P2RY12: variants seen among roughly 807,000 people sequenced by gnomAD.
P2RY12 encodes purinergic receptor P2Y12.
In P2RY12, 3 loss-of-function variants were observed where a neutral mutation model predicts 4.5. The observed-to-expected ratio is 0.67, with a 90% CI of 0.31 to 1.74. The LOEUF (loss-of-function observed/expected upper bound fraction) is 1.74. P2RY12 is among the 40% of genes most tolerant of loss of function. P2RY12 has a pLI of 0.09. For synonymous variants in P2RY12, 148 were observed against 154.1 expected (o/e 0.96, Z 0.29); for missense variants, 356 against 407.8 (o/e 0.87, Z 1.09).
chr3:151,375,172 C>T (rs1435577909), intron 1 of P2RY12, among the ~76,000 whole-genome samples: 1 of 152,130 alleles, frequency 6.6e-6, no homozygotes, highest in African/African-American at 2.4e-5. Flanking sequence ...ATTTGGGTGC[C>T]ACCACCTGAG....
At chr3:151,340,227 G>A (rs1751638024) in intron 2 of P2RY12, among the ~76,000 whole-genome samples, 1 of 152,036 alleles carries the variant, frequency 6.6e-6, no homozygotes, top group Admixed American at 6.6e-5. Context: ...TGACCGTTTT[G>A]GAAATTCGAC....
chr3:151,343,483 A>T (rs948683719), intron 1 of P2RY12, among the ~76,000 whole-genome samples: 1 of 152,190 alleles, frequency 6.6e-6, no homozygotes, highest in Admixed American at 6.5e-5. Flanking sequence ...TTTTCATTGG[A>T]GGAAGACTGC....
rs1336826072 is a variant in P2RY12, at chr3:151,338,185, C to T, written c.661G>A (p.Val221Ile). The T allele has an allele frequency of 6.8e-6, 11 of 1,613,910 alleles. No individual in the cohort carries two copies. Among genetic ancestry groups the T allele is most frequent in the African/African-American group, 1.3e-5 (1 of 74,894 alleles). ...ACTTTACCTACACCCCTCGTTCTTACGTATGACCGGTACAGTTCTTTTGTA... is the reference window on the plus strand; with the variant it reads ...ACTTTACCTACACCCCTCGTTCTTATGTATGACCGGTACAGTTCTTTTGTA... ...LITKELYRSY[V>I]RTRGVGKVPR... Residue 221 changes from valine (V) to isoleucine (I), a missense_variant, in exon 3 of 3, where the codon GTA (valine) becomes ATA (isoleucine). By Grantham distance (29) the Val-to-Ile change is conservative. Transcript: ENST00000302632.
intron 1 of P2RY12, chr3:151,384,244 T>C: frequency 7.0e-6 from 11 of 1,577,746 alleles, no homozygotes; most frequent in Non-Finnish European, 7.7e-6. Flanking sequence ...GCCTGTATTA[T>C]GAGCTCAAGT....
At chr3:151,367,132 AAATTT>A (rs1373339231) in intron 1 of P2RY12, among the ~76,000 whole-genome samples, 1 of 151,986 alleles carries the variant, frequency 6.6e-6, no homozygotes, top group African/African-American at 2.4e-5. Context: ...TCTTCTTTTT[AAATTT>A]AAGAGTCAAT....
At chr3:151,380,553 C>T (rs910481905) in intron 1 of P2RY12, among the ~76,000 whole-genome samples, 52 of 149,124 alleles carry the variant, frequency 3.5e-4, no homozygotes, top group African/African-American at 7.4e-4. Flanking sequence ...GCTGAGATCG[C>T]GCCATTGCAC....
At chr3:151,350,192 C>G (rs760464340) in intron 1 of P2RY12, 19 of 1,613,490 alleles carry the variant, frequency 1.2e-5, no homozygotes, top group Non-Finnish European at 1.6e-5. Flanking sequence ...AAGAAGAGCA[C>G]CACAGAGACA....
At chr3:151,380,304 A>C (rs1162131241) in intron 1 of P2RY12, 1 of 990,386 alleles carries the variant, frequency 1.0e-6, no homozygotes, top group Admixed American at 2.6e-5. Flanking sequence ...TACTGAGATT[A>C]AATTAATAAG....
At chr3:151,382,746 G>A (rs1418228005) in intron 1 of P2RY12, 2 of 1,605,736 alleles carry the variant, frequency 1.2e-6, no homozygotes, top group East Asian at 2.3e-5. Context: ...CCTAAATTTG[G>A]TAAGTGACAT....
chr3:151,356,972 AC>A (rs1404093056), intron 1 of P2RY12, among the ~76,000 whole-genome samples: 1 of 152,174 alleles, frequency 6.6e-6, no homozygotes, highest in Non-Finnish European at 1.5e-5. Context: ...AGGACCTTGC[AC>A]TGCCCTGAAG....
At chr3:151,377,027 G>A in intron 1 of P2RY12, 1 of 1,614,008 alleles carries the variant, frequency 6.2e-7, no homozygotes, top group Non-Finnish European at 8.5e-7. Flanking sequence ...CAACTTACTG[G>A]ACAATATTGC....
chr3:151,358,757 T>TA (rs1403322045), intron 1 of P2RY12, among the ~76,000 whole-genome samples: 2 of 152,294 alleles, frequency 1.3e-5, no homozygotes, highest in South Asian at 2.1e-4. Flanking sequence ...TCTTCGTACT[T>TA]ATGTGAACAG....
intron 1 of P2RY12, among the ~76,000 whole-genome samples, chr3:151,347,568 C>T (rs894895591): frequency 1.3e-5 from 2 of 152,152 alleles, no homozygotes; most frequent in African/African-American, 2.4e-5. Context: ...CATAGCATTT[C>T]AGCAAGTGAA....
At chr3:151,345,029 A>G (rs146411622) in intron 1 of P2RY12, among the ~76,000 whole-genome samples, 94 of 152,348 alleles carry the variant, frequency 6.2e-4, no homozygotes, top group African/African-American at 2.3e-3. Flanking sequence ...CTCAAGAGAC[A>G]TATTTTAATT....
intron 1 of P2RY12, chr3:151,384,184 A>G (rs762523783): frequency 6.2e-7 from 1 of 1,611,948 alleles, no homozygotes; most frequent in Non-Finnish European, 8.5e-7. Flanking sequence ...GAAGAGAACA[A>G]GCGTGCATAC....
intron 1 of P2RY12, among the ~76,000 whole-genome samples, chr3:151,341,577 T>A (rs1751825414): frequency 2.0e-5 from 3 of 150,984 alleles, no homozygotes. Flanking sequence ...TTTTTTTTTT[T>A]AATTTTATTA....
chr3:151,382,564 G>T (rs1401520017), intron 1 of P2RY12: 1 of 696,248 alleles, frequency 1.4e-6, no homozygotes, highest in Admixed American at 3.5e-5. Context: ...TTAAAGATAA[G>T]AAGTGGTTTT....
chr3:151,384,187 G>A (rs867946663), intron 1 of P2RY12: 4 of 1,610,636 alleles, frequency 2.5e-6, no homozygotes, highest in Non-Finnish European at 3.4e-6. Context: ...GAGAACAAGC[G>A]TGCATACATG....
Position 151,374,567 on chromosome 3 carries a change from G to GAA in P2RY12, c.-180+10123_-180+10124dup, listed in dbSNP as rs775191184. On this transcript the variant is annotated intron_variant, in intron 1 of 2. Coordinates refer to ENST00000302632, the MANE Select transcript of P2RY12 (RefSeq NM_022788.5). ...TGTCTCAAAGAAAGAAAGAAAGAAA[G>GAA]AAAGAAATGTTACACACATACCACT... 5.7e-4 allele frequency among the ~76,000 whole-genome samples: 87 copies of GAA among 152,000 alleles called. 2 individuals carry two copies. The highest frequency in any genetic ancestry group is 9.0e-4 in the Non-Finnish European group (61 of 67,936).
Sources: gnomAD v4.1 joint callset for allele counts (sites outside exome capture counted in the v4.1 genomes callset) on GRCh38, gnomAD v4.1.1 for gene constraint, MANE v1.5 for transcripts, NCBI Gene and HGNC (gene_info 2026-07-23, HGNC 2026-07-21) for gene names.